HPSE2: variants seen among roughly 807,000 people sequenced by gnomAD.
The protein encoded by HPSE2 is inactive heparanase-2.
Under a neutral mutation model 60.5 loss-of-function variants are expected in HPSE2, and 38 were observed. The observed-to-expected ratio is 0.63, with a 90% CI of 0.48 to 0.82. HPSE2 has a LOEUF of 0.82. Among genes scored for constraint, HPSE2 ranks in the 40% least tolerant of loss-of-function variants. The pLI, the probability that HPSE2 is intolerant of heterozygous loss-of-function variation, is 0.00. For missense variants in HPSE2, 713 were observed against 740.4 expected (o/e 0.96, Z 0.43); for synonymous variants, 295 against 293.2 (o/e 1.01, Z -0.06).
intron 3 of HPSE2, among the ~76,000 whole-genome samples, chr10:99,088,971 T>A (rs139276341): frequency 6.6e-6 from 1 of 152,252 alleles, no homozygotes; most frequent in Non-Finnish European, 1.5e-5. Flanking sequence ...GCCATTTGTA[T>A]ATCTTCTTTT....
At position 98,616,371 on chromosome 10, in the gene HPSE2, C is replaced by T. The variant is rs189329702; in HGVS notation, c.1206-1353G>A. 2.7e-3 allele frequency among the ~76,000 whole-genome samples: 411 copies of T among 152,272 alleles called. 4 individuals are homozygous for T. Among genetic ancestry groups the T allele is most frequent in the South Asian group, 4.1e-4 (2 of 4,828 alleles). ...CCTGGCACACCGTAGGTACTCAATACTCTGTTGACTTGAAATCTGTCTGGA... is the reference window on the plus strand; with the variant it reads ...CCTGGCACACCGTAGGTACTCAATATTCTGTTGACTTGAAATCTGTCTGGA... On this transcript the variant is annotated intron_variant, in intron 8 of 11. Coordinates refer to ENST00000370552, the MANE Select transcript of HPSE2 (RefSeq NM_021828.5).
At chr10:98,924,294 C>A (rs192777568) in intron 3 of HPSE2, among the ~76,000 whole-genome samples, 2 of 152,206 alleles carry the variant, frequency 1.3e-5, no homozygotes, top group East Asian at 1.9e-4. Context: ...GTGGCCACCA[C>A]CACTGGGACT....
At chr10:98,461,324 T>C (rs7067691) in intron 11 of HPSE2, among the ~76,000 whole-genome samples, 81,520 of 152,106 alleles carry the variant, frequency 0.54, 22,101 homozygotes, top group African/African-American at 0.61. Flanking sequence ...GCCCCCTCCC[T>C]TTGCTAGAAT....
chr10:99,024,351 T>C (rs1463017963), intron 3 of HPSE2, among the ~76,000 whole-genome samples: 1 of 152,104 alleles, frequency 6.6e-6, no homozygotes, highest in African/African-American at 2.4e-5. Context: ...AGATAGGTTA[T>C]AAAATCGTAT....
At chr10:98,657,133 TCTTC>T (rs2134075613) in intron 6 of HPSE2, among the ~76,000 whole-genome samples, 1 of 150,720 alleles carries the variant, frequency 6.6e-6, no homozygotes, top group African/African-American at 2.4e-5. Context: ...TTCCATTTAC[TCTTC>T]CTTCCTCAGT....
intron 3 of HPSE2, among the ~76,000 whole-genome samples, chr10:98,830,596 G>C (rs911906575): frequency 1.3e-5 from 2 of 152,160 alleles, no homozygotes; most frequent in Non-Finnish European, 2.9e-5. Flanking sequence ...TAATTCTATA[G>C]AAAATGTGCC....
At chr10:99,268,893 G>A in the HPSE2 span, among the ~76,000 whole-genome samples, 3 of 151,928 alleles carry the variant, frequency 2.0e-5, no homozygotes, top group Non-Finnish European at 4.4e-5. Flanking sequence ...GGTGGCTCAC[G>A]CCTGTAATCC....
chr10:98,712,304 GA>G (rs1010598342), intron 5 of HPSE2, among the ~76,000 whole-genome samples: 1 of 151,702 alleles, frequency 6.6e-6, no homozygotes, highest in Admixed American at 6.6e-5. Flanking sequence ...GTTTAAGGTT[GA>G]AAAAAATTGT....
chr10:98,935,609 C>T (rs1954765533), intron 3 of HPSE2, among the ~76,000 whole-genome samples: 1 of 144,324 alleles, frequency 6.9e-6, no homozygotes, highest in Admixed American at 6.9e-5. Flanking sequence ...AGGGTATCAC[C>T]AGTGAAGATT....
At chr10:98,535,994 C>T (rs971661828) in intron 9 of HPSE2, among the ~76,000 whole-genome samples, 2 of 152,224 alleles carry the variant, frequency 1.3e-5, no homozygotes, top group African/African-American at 4.8e-5. Context: ...TCTTCAAACA[C>T]AGACAGAATC....
At position 98,940,299 on chromosome 10, in the gene HPSE2, T is replaced by C. The variant is rs1412298823; in HGVS notation, c.611-196243A>G. Among the ~76,000 whole-genome samples, 19 of 143,450 alleles carry C rather than the reference T, an allele frequency of 1.3e-4. 4 individuals are homozygous for C. The highest frequency in any genetic ancestry group is 5.1e-4 in the African/African-American group (18 of 35,230). 94.1% of individuals were successfully genotyped at this position (143,450 alleles called of 152,430 possible). A position where few individuals can be genotyped will look rare whatever the true frequency, so the allele number is the denominator to read the frequency against. On this transcript the variant is annotated intron_variant, in intron 3 of 11. Transcript: ENST00000370552. Reference sequence around the variant, plus strand: ...AAAAATTAATGAATCCAGGAGCTGGTTTTTTGAAAGGATCAACAAAATTGA... The same window carrying C: ...AAAAATTAATGAATCCAGGAGCTGGCTTTTTGAAAGGATCAACAAAATTGA...
At chr10:98,815,342 A>G (rs1397738159) in intron 3 of HPSE2, among the ~76,000 whole-genome samples, 1 of 152,218 alleles carries the variant, frequency 6.6e-6, no homozygotes, top group Non-Finnish European at 1.5e-5. Context: ...TAACAGGTAG[A>G]TCTATGAAAG....
At position 98,868,403 on chromosome 10, in the gene HPSE2, T is replaced by TA. The variant is rs1053671430; in HGVS notation, c.611-124348dup. 7.3e-5 allele frequency among the ~76,000 whole-genome samples: 11 copies of TA among 151,338 alleles called. No individual in the cohort carries two copies. The South Asian group carries it at 1.0e-3, about 14-fold the overall frequency. On this transcript the variant is annotated intron_variant, in intron 3 of 11. Coordinates refer to ENST00000370552, the MANE Select transcript of HPSE2 (RefSeq NM_021828.5). ...GGTGGGGATGGTTAATGGGTCCAAA[T>TA]AAAAAAAATAGAATGAACAAACCCT... is the stretch of plus-strand genomic sequence containing the variant.
At chr10:98,630,816 A>G (rs1946349342) in intron 7 of HPSE2, among the ~76,000 whole-genome samples, 1 of 152,220 alleles carries the variant, frequency 6.6e-6, no homozygotes, top group Admixed American at 6.5e-5. Context: ...GCTAAGTTTC[A>G]GAGAAGATAA....
intron 9 of HPSE2, among the ~76,000 whole-genome samples, chr10:98,511,084 G>C (rs1471267236): frequency 6.6e-6 from 1 of 151,760 alleles, no homozygotes; most frequent in Non-Finnish European, 1.5e-5. Context: ...ATCTATTACA[G>C]TGCCTGATAC....
chr10:98,547,892 T>C (rs1247616222), intron 9 of HPSE2, among the ~76,000 whole-genome samples: 1 of 152,118 alleles, frequency 6.6e-6, no homozygotes, highest in African/African-American at 2.4e-5. Context: ...TTTCCATGTT[T>C]AAACATTCAT....
At chr10:99,125,847 C>T (rs1039081051) in intron 3 of HPSE2, among the ~76,000 whole-genome samples, 2 of 152,140 alleles carry the variant, frequency 1.3e-5, no homozygotes, top group African/African-American at 4.8e-5. Flanking sequence ...AGGAAGTCAT[C>T]CCTAACTTAT....
chr10:98,814,731 A>G (rs977319983), intron 3 of HPSE2, among the ~76,000 whole-genome samples: 3 of 152,244 alleles, frequency 2.0e-5, no homozygotes, highest in Non-Finnish European at 2.9e-5. Flanking sequence ...GCAGAGTTTT[A>G]TTAATTTAAC....
At chr10:98,764,322 G>C (rs1009987762) in intron 3 of HPSE2, among the ~76,000 whole-genome samples, 5 of 151,808 alleles carry the variant, frequency 3.3e-5, no homozygotes, top group African/African-American at 9.7e-5. Context: ...TGGGAGAAAT[G>C]GGGGAATAGA....
Sources: allele counts gnomAD v4.1 joint callset (sites outside exome capture counted in the v4.1 genomes callset), GRCh38; gene constraint gnomAD v4.1.1; transcripts MANE v1.5; gene names NCBI Gene and HGNC (gene_info 2026-07-23, HGNC 2026-07-21).